The following CDKAL1 variants were observed in gnomAD, a reference collection of about 807,000 sequenced individuals.
The protein encoded by CDKAL1 is CDKAL1 threonylcarbamoyladenosine tRNA methylthiotransferase, also known as threonylcarbamoyladenosine tRNA methylthiotransferase.
CDKAL1 carries 32 observed loss-of-function variants against 68.2 expected under a neutral mutation model. That is an observed-to-expected ratio of 0.47 (90% CI 0.35 to 0.63). The LOEUF (loss-of-function observed/expected upper bound fraction) is 0.63, where lower values mean the gene tolerates loss of function less well. Among genes scored for constraint, CDKAL1 ranks in the 30% least tolerant of loss-of-function variants. The pLI, the probability that CDKAL1 is intolerant of heterozygous loss-of-function variation, is 0.00. For synonymous variants in CDKAL1, 234 were observed against 244.3 expected (o/e 0.96, Z 0.39); for missense variants, 606 against 696.7 (o/e 0.87, Z 1.47).
At chr6:20,806,672 G>T (rs1776586282) in intron 8 of CDKAL1, among the ~76,000 whole-genome samples, 2 of 151,984 alleles carry the variant, frequency 1.3e-5, no homozygotes, top group African/African-American at 4.8e-5. Flanking sequence ...ATTCTGACTG[G>T]TCTGAGATGG....
At chr6:20,878,802 G>A (rs1760667566) in intron 9 of CDKAL1, among the ~76,000 whole-genome samples, 1 of 150,882 alleles carries the variant, frequency 6.6e-6, no homozygotes, top group South Asian at 2.1e-4. Flanking sequence ...CCTTCGGCAG[G>A]GCATGGTGGC....
chr6:20,749,554 C>CT (rs1305700199), intron 6 of CDKAL1, among the ~76,000 whole-genome samples: 112 of 145,802 alleles, frequency 7.7e-4, no homozygotes, highest in Middle Eastern at 3.4e-3. Flanking sequence ...TTTTTCTTTT[C>CT]TTTTTTTTTT....
chr6:20,613,260 T>C (rs1479291222), intron 4 of CDKAL1, among the ~76,000 whole-genome samples: 2 of 13,834 alleles, frequency 1.4e-4, no homozygotes, highest in African/African-American at 3.0e-4. Context: ...TTTTTTTTTT[T>C]TTTTTTTTTT....
intron 7 of CDKAL1, among the ~76,000 whole-genome samples, chr6:20,772,660 A>G (rs1252019591): frequency 2.6e-5 from 4 of 152,228 alleles, no homozygotes; most frequent in Non-Finnish European, 5.9e-5. Flanking sequence ...ATTGCCTAAG[A>G]ACATTCCATT....
In CDKAL1 at chr6:20,649,380, A is replaced by G. The variant is rs201734829; in HGVS notation, c.371+3A>G. The G allele has an allele frequency of 1.7e-4, 266 of 1,535,720 alleles. No individual in the cohort carries two copies. In the African/African-American group the frequency reaches 3.5e-3, roughly 20 times the overall value. ...GACCACTTTAGAAACTCAATTAAGT[A>G]AGTAGAAATTGATTTTTTCCTATTT... On this transcript the variant is annotated splice_donor_region_variant and intron_variant, in intron 5 of 15. Transcript: ENST00000274695.
chr6:21,226,166 A>G (rs1278923459), intron 15 of CDKAL1, among the ~76,000 whole-genome samples: 1 of 152,182 alleles, frequency 6.6e-6, no homozygotes. Flanking sequence ...TTCCCCAACA[A>G]TACGTGCACA....
Position 20,822,805 on chromosome 6 carries a change from C to T in CDKAL1, c.639-23270C>T, listed in dbSNP as rs185192536. Among the ~76,000 whole-genome samples the T allele has an allele frequency of 6.7e-3, 1,014 of 152,278 alleles. 6 individuals are homozygous for T. The highest frequency in any genetic ancestry group is 0.01 in the Non-Finnish European group (699 of 68,010). On this transcript the variant is annotated intron_variant, in intron 8 of 15. Coordinates refer to ENST00000274695, the MANE Select transcript of CDKAL1 (RefSeq NM_017774.3). ...TGCCTTGCTTTCCCTTCACCTTCCA[C>T]CATGATTTAAGTTTCCAAGCCTCCC...
At chr6:20,721,642 A>G (rs1036776280) in intron 5 of CDKAL1, among the ~76,000 whole-genome samples, 2 of 143,474 alleles carry the variant, frequency 1.4e-5, no homozygotes, top group East Asian at 2.0e-4. Context: ...TCTCCATACT[A>G]TTTTCCATAG....
intron 5 of CDKAL1, among the ~76,000 whole-genome samples, chr6:20,728,258 G>A (rs1474080548): frequency 3.3e-5 from 5 of 152,062 alleles, no homozygotes; most frequent in Admixed American, 6.5e-5. Context: ...TATCTGACAG[G>A]TATCTAAGCT....
At chr6:21,186,790 A>G (rs1240810118) in intron 13 of CDKAL1, among the ~76,000 whole-genome samples, 2 of 152,082 alleles carry the variant, frequency 1.3e-5, no homozygotes, top group Non-Finnish European at 2.9e-5. Flanking sequence ...AAAATGACTA[A>G]TATCCTTTCT....
At chr6:20,787,154 T>C (rs1775711019) in intron 8 of CDKAL1, among the ~76,000 whole-genome samples, 1 of 152,224 alleles carries the variant, frequency 6.6e-6, no homozygotes, top group African/African-American at 2.4e-5. Flanking sequence ...AAAATTTATC[T>C]TGTCTTTCTT....
chr6:20,846,763 A>G (rs953283612), intron 9 of CDKAL1, among the ~76,000 whole-genome samples: 2 of 152,226 alleles, frequency 1.3e-5, no homozygotes, highest in African/African-American at 4.8e-5. Flanking sequence ...AAATGTGATT[A>G]TCTAGGTCTC....
At chr6:20,665,409 C>T (rs927385474) in intron 5 of CDKAL1, among the ~76,000 whole-genome samples, 1 of 152,064 alleles carries the variant, frequency 6.6e-6, no homozygotes. Flanking sequence ...AAGACCTAAT[C>T]AAATGGCCTG....
chr6:21,019,295 C>G (rs566226478), intron 11 of CDKAL1, among the ~76,000 whole-genome samples: 15 of 152,218 alleles, frequency 9.9e-5, no homozygotes, highest in African/African-American at 3.6e-4. Context: ...GTTTTTTAAG[C>G]TAGCTGATTT....
At position 21,171,914 on chromosome 6, in the gene CDKAL1, C is replaced by A. The variant is rs141200440; in HGVS notation, c.1300-26107C>A. ...CTTTGTATTTATTTTGCTTATATTT[C>A]ATCCAGATTTTTATTTTGCATCGAT... is the stretch of plus-strand genomic sequence containing the variant. On this transcript the variant is annotated intron_variant, in intron 13 of 15. Transcript: ENST00000274695. Among the ~76,000 whole-genome samples the A allele has an allele frequency of 3.3e-3, 503 of 152,214 alleles. 3 individuals are homozygous for A. Among genetic ancestry groups the A allele is most frequent in the African/African-American group, 0.011 (475 of 41,534 alleles).
At chr6:20,598,269 T>G (rs1266655885) in intron 4 of CDKAL1, among the ~76,000 whole-genome samples, 1 of 152,224 alleles carries the variant, frequency 6.6e-6, no homozygotes, top group Non-Finnish European at 1.5e-5. Flanking sequence ...GAAAAATCAC[T>G]GGAATAATTT....
At chr6:20,990,973 G>A (rs1361443680) in intron 10 of CDKAL1, among the ~76,000 whole-genome samples, 1 of 152,190 alleles carries the variant, frequency 6.6e-6, no homozygotes, top group Admixed American at 6.5e-5. Flanking sequence ...AATTGAGCAA[G>A]GGAATAGGGA....
intron 11 of CDKAL1, among the ~76,000 whole-genome samples, chr6:21,011,283 C>A (rs750405989): frequency 8.6e-5 from 13 of 151,440 alleles, no homozygotes; most frequent in Non-Finnish European, 1.6e-4. Flanking sequence ...ACTCGGGAGG[C>A]TGATGCAGGA....
intron 8 of CDKAL1, among the ~76,000 whole-genome samples, chr6:20,790,010 GGT>G (rs1012659122): frequency 6.6e-6 from 1 of 152,106 alleles, no homozygotes; most frequent in South Asian, 2.1e-4. Flanking sequence ...TGCCCAGGTT[GGT>G]CCTGAACTCC....
Sources: gnomAD v4.1 joint callset for allele counts (sites outside exome capture counted in the v4.1 genomes callset) on GRCh38, gnomAD v4.1.1 for gene constraint, MANE v1.5 for transcripts, NCBI Gene and HGNC (gene_info 2026-07-23, HGNC 2026-07-21) for gene names.